Variants in DSE observed in about 807,000 individuals in gnomAD.
The protein encoded by DSE is dermatan-sulfate epimerase.
DSE carries 36 observed loss-of-function variants against 84.4 expected under a neutral mutation model. That is an observed-to-expected ratio of 0.43 (90% CI 0.33 to 0.56). The LOEUF is 0.56. DSE is among the 20% of genes least tolerant of loss of function. The pLI, the probability that DSE is intolerant of heterozygous loss-of-function variation, is 0.06. For synonymous variants in DSE, 410 were observed against 430.1 expected (o/e 0.95, Z 0.58); for missense variants, 862 against 1,169.6 (o/e 0.74, Z 3.84).
chr6:116,355,239 C>T (rs967251132), intron 2 of DSE, among the ~76,000 whole-genome samples: 4 of 152,124 alleles, frequency 2.6e-5, no homozygotes, highest in South Asian at 2.1e-4. Context: ...ATTTGTCCTC[C>T]GAATCCTCTC....
intron 2 of DSE, among the ~76,000 whole-genome samples, chr6:116,409,477 C>T (rs1462137339): frequency 6.6e-6 from 1 of 152,084 alleles, no homozygotes; most frequent in Non-Finnish European, 1.5e-5. Context: ...GACGGGGTTT[C>T]ACCATGTTAG....
chr6:116,436,756 G>A lies in DSE; in HGVS notation c.2288G>A (p.Arg763Gln), dbSNP rs772848000. The change falls in exon 6 of 6, where the codon CGA (arginine) becomes CAA (glutamine). Residue 763 changes from arginine (R) to glutamine (Q), a missense_variant. Coordinates refer to ENST00000644252, the MANE Select transcript of DSE (RefSeq NM_013352.4). ...FQLLEKQILS[R>Q]VRNTASFRKT... Reference sequence around the variant, plus strand: ...CTGCTGGAGAAGCAGATACTGTCCCGAGTCCGGAACACAGCTAGCTTTAGG... The same window carrying A: ...CTGCTGGAGAAGCAGATACTGTCCCAAGTCCGGAACACAGCTAGCTTTAGG... The A allele has an allele frequency of 6.2e-6, 10 of 1,614,006 alleles. No homozygotes were observed. The highest frequency in any genetic ancestry group is 5.0e-5 in the Admixed American group (3 of 60,000).
rs1009354755 is a variant in DSE, at chr6:116,305,974, G to C, written c.-54+47007G>C. Among the ~76,000 whole-genome samples the C allele has an allele frequency of 3.9e-4, 59 of 152,134 alleles. 2 individuals are homozygous for C. The highest frequency in any genetic ancestry group is 3.4e-3 in the Middle Eastern group (1 of 294). ...TCTTTATTTCTGTAACATATACACT[G>C]AATTATTAAGAGATAAAGGGATTAA... On this transcript the variant is annotated intron_variant, in intron 2 of 3. Coordinates refer to the DSE transcript ENST00000430252.
chr6:116,355,850 C>T (rs1341963799), intron 2 of DSE: 3 of 152,218 alleles, frequency 2.0e-5, no homozygotes, highest in African/African-American at 4.8e-5. Context: ...TACATTTGCT[C>T]ATTGTTCTTT....
intron 2 of DSE, among the ~76,000 whole-genome samples, chr6:116,410,149 A>G (rs921001791): frequency 3.9e-5 from 6 of 152,222 alleles, no homozygotes; most frequent in African/African-American, 1.4e-4. Context: ...TCATTGAAAA[A>G]TAAAAGTAGA....
chr6:116,278,750 G>GC, intron 2 of DSE: 1 of 1,614,128 alleles, frequency 6.2e-7, no homozygotes, highest in Non-Finnish European at 8.5e-7. Flanking sequence ...TGGGGTTCAT[G>GC]CCCCCTGCGC....
chr6:116,330,179 A>C (rs1033752598), intron 2 of DSE, among the ~76,000 whole-genome samples: 1 of 152,206 alleles, frequency 6.6e-6, no homozygotes, highest in Non-Finnish European at 1.5e-5. Context: ...TTTCAGCTAA[A>C]ATATATACTT....
chr6:116,330,255 A>G (rs1776860147), intron 2 of DSE, among the ~76,000 whole-genome samples: 1 of 152,194 alleles, frequency 6.6e-6, no homozygotes, highest in Non-Finnish European at 1.5e-5. Context: ...CACTGCCTGC[A>G]TTTCTTTTCT....
chr6:116,366,650 A>G (rs1779180340), upstream of DSE: 3 of 152,240 alleles, frequency 2.0e-5, no homozygotes, highest in African/African-American at 4.8e-5. Context: ...ATAGCTTTCA[A>G]CTGAGGCCAG....
At chr6:116,285,405 A>G (rs959476799) in intron 2 of DSE, among the ~76,000 whole-genome samples, 82 of 152,242 alleles carry the variant, frequency 5.4e-4, no homozygotes, top group African/African-American at 2.0e-3. Context: ...AGTTCTTTGT[A>G]GATTCTGGAT....
chr6:116,294,119 G>C (rs544624728), intron 2 of DSE, among the ~76,000 whole-genome samples: 1 of 152,146 alleles, frequency 6.6e-6, no homozygotes, highest in Non-Finnish European at 1.5e-5. Flanking sequence ...GACCTCCTGG[G>C]CTCAAGCAAT....
exon 2 of DSE, chr6:116,258,908 C>T: frequency 1.3e-6 from 2 of 1,585,542 alleles, no homozygotes; most frequent in Non-Finnish European, 1.7e-6. Flanking sequence ...GTAAGGCGCT[C>T]CACAATGGGA....
intron 1 of DSE, among the ~76,000 whole-genome samples, chr6:116,381,336 C>T (rs1470858493): frequency 1.3e-5 from 2 of 151,874 alleles, no homozygotes; most frequent in Non-Finnish European, 1.5e-5. Flanking sequence ...AGAGAGGAAA[C>T]GAGGGATGAG....
At chr6:116,280,312 T>A (rs958874111) in intron 2 of DSE, 2 of 208,654 alleles carry the variant, frequency 9.6e-6, no homozygotes, top group Non-Finnish European at 2.0e-5. Flanking sequence ...GACTTCTCTT[T>A]AAGATTAATA....
intron 2 of DSE, among the ~76,000 whole-genome samples, chr6:116,354,809 A>G (rs1218145991): frequency 2.0e-5 from 3 of 152,336 alleles, no homozygotes; most frequent in Admixed American, 6.5e-5. Flanking sequence ...TTTTTATAAT[A>G]AAATAGTGAC....
intron 1 of DSE, among the ~76,000 whole-genome samples, chr6:116,381,198 T>G (rs1280178675): frequency 6.6e-6 from 1 of 152,116 alleles, no homozygotes; most frequent in Non-Finnish European, 1.5e-5. Flanking sequence ...TGTTGTGTTC[T>G]TTGAATGAGG....
intron 1 of DSE, among the ~76,000 whole-genome samples, chr6:116,376,136 T>G (rs1779909790): frequency 6.6e-6 from 1 of 152,212 alleles, no homozygotes; most frequent in African/African-American, 2.4e-5. Flanking sequence ...CTTATGTGCT[T>G]CCTAGACTAA....
intron 1 of DSE, chr6:116,375,664 T>G (rs1779880229): frequency 3.1e-6 from 2 of 643,682 alleles, no homozygotes; most frequent in Admixed American, 1.3e-4. Flanking sequence ...TACAAGGTAT[T>G]GTGCATAGGA....
chr6:116,365,057 C>A (rs947649780), intron 2 of DSE, among the ~76,000 whole-genome samples: 2 of 151,936 alleles, frequency 1.3e-5, no homozygotes, highest in South Asian at 2.1e-4. Flanking sequence ...AGGCTGATCT[C>A]GAACTCCTGG....
Sources: allele counts gnomAD v4.1 joint callset (sites outside exome capture counted in the v4.1 genomes callset), GRCh38; gene constraint gnomAD v4.1.1; transcripts MANE v1.5; gene names NCBI Gene and HGNC (gene_info 2026-07-23, HGNC 2026-07-21).